PTPRD: variants seen among roughly 807,000 people sequenced by gnomAD.
The protein encoded by PTPRD is protein tyrosine phosphatase receptor type D, also known as receptor-type tyrosine-protein phosphatase delta.
A neutral mutation model predicts 214.5 loss-of-function variants in PTPRD; 34 were observed. The observed-to-expected ratio is 0.16, with a 90% CI of 0.12 to 0.21. The LOEUF is 0.21. Among genes scored for constraint, PTPRD ranks in the 10% least tolerant of loss-of-function variants. PTPRD has a pLI of 1.00. For missense variants in PTPRD, 2,545 were observed against 2,398.7 expected (o/e 1.06, Z -1.27); for synonymous variants, 1,128 against 845.7 (o/e 1.33, Z -5.79).
chr9:8,505,490 T>C (rs1245374461), intron 22 of PTPRD, among the ~76,000 whole-genome samples: 3 of 151,182 alleles, frequency 2.0e-5, no homozygotes, highest in East Asian at 1.9e-4. Context: ...GGTGTGGTGG[T>C]GGGCGCCTGT....
At chr9:10,067,217 G>C (rs1325792917) in intron 3 of PTPRD, among the ~76,000 whole-genome samples, 2 of 151,862 alleles carry the variant, frequency 1.3e-5, no homozygotes, top group Non-Finnish European at 2.9e-5. Flanking sequence ...TCCTTTGGAG[G>C]AGAGCAGTAC....
intron 21 of PTPRD, among the ~76,000 whole-genome samples, chr9:8,516,543 G>A (rs923032045): frequency 3.3e-5 from 5 of 152,118 alleles, no homozygotes; most frequent in African/African-American, 7.2e-5. Flanking sequence ...ACAAGTCAGT[G>A]ATTCACAGGT....
intron 7 of PTPRD, among the ~76,000 whole-genome samples, chr9:9,586,748 T>C (rs2092039954): frequency 6.6e-6 from 1 of 152,000 alleles, no homozygotes; most frequent in Non-Finnish European, 1.5e-5. Flanking sequence ...TGTACAGACC[T>C]AGGCCACTCT....
chr9:8,781,906 C>G (rs1478098203), intron 11 of PTPRD, among the ~76,000 whole-genome samples: 2 of 152,100 alleles, frequency 1.3e-5, no homozygotes, highest in African/African-American at 4.8e-5. Flanking sequence ...AGCTCATGGT[C>G]CATCCATAAG....
At chr9:10,137,669 T>A (rs1225288499) in intron 3 of PTPRD, among the ~76,000 whole-genome samples, 1 of 64,370 alleles carries the variant, frequency 1.6e-5, no homozygotes, top group Non-Finnish European at 2.7e-5. Context: ...ACCTGCACAA[T>A]GTGCACATGT....
intron 11 of PTPRD, among the ~76,000 whole-genome samples, chr9:8,865,849 G>A (rs1166455211): frequency 6.6e-6 from 1 of 152,120 alleles, no homozygotes; most frequent in African/African-American, 2.4e-5. Flanking sequence ...ACACCAAAAT[G>A]TCCCAGACAA....
chr9:9,876,600 T>A (rs988189774), intron 5 of PTPRD, among the ~76,000 whole-genome samples: 1 of 152,204 alleles, frequency 6.6e-6, no homozygotes, highest in Non-Finnish European at 1.5e-5. Flanking sequence ...TTCTTAATGC[T>A]CATTATATGA....
intron 7 of PTPRD, among the ~76,000 whole-genome samples, chr9:9,595,811 G>T (rs1314753723): frequency 6.6e-6 from 1 of 151,704 alleles, no homozygotes; most frequent in African/African-American, 2.4e-5. Context: ...TGGGAAGGGG[G>T]AGAAGGATAA....
chr9:8,373,832 GTATGTA>G lies in PTPRD; in HGVS notation c.4661+2098_4661+2103del, dbSNP rs1210384975. On this transcript the variant is annotated intron_variant, in intron 39 of 45. Coordinates refer to ENST00000381196, the MANE Select transcript of PTPRD (RefSeq NM_002839.4). ...TGTATGTATGTATGTATGTATGTAT[GTATGTA>G]TGTATGTATGTGTATGTGTCTGTCT... Among the ~76,000 whole-genome samples, 224 of 90,660 alleles carry G rather than the reference GTATGTA, an allele frequency of 2.5e-3. 4 individuals carry two copies. The East Asian group carries it at 0.075, about 30-fold the overall frequency. 59.5% of individuals were successfully genotyped at this position (90,660 alleles called of 152,430 possible).
intron 9 of PTPRD, among the ~76,000 whole-genome samples, chr9:9,246,949 G>C (rs555914592): frequency 6.6e-6 from 1 of 152,030 alleles, no homozygotes; most frequent in East Asian, 2.0e-4. Context: ...TCAGAACCAA[G>C]GTCTCTCTGA....
At position 9,822,910 on chromosome 9, in the gene PTPRD, G is replaced by A. The variant is rs563499946; in HGVS notation, c.-367-56059C>T. On this transcript the variant is annotated intron_variant, in intron 5 of 45. Transcript: ENST00000381196. ...GTCACTATGAAAAACAGAATGGTAC[G>A]TCCACAGAAAAGTTAAAAATAGTAC... Among the ~76,000 whole-genome samples, 51 of 152,186 alleles carry A rather than the reference G, an allele frequency of 3.4e-4. 1 individual carries two copies. In the South Asian group the frequency reaches 4.3e-3, roughly 13 times the overall value.
At chr9:9,869,756 A>C (rs926027620) in intron 5 of PTPRD, among the ~76,000 whole-genome samples, 1 of 151,942 alleles carries the variant, frequency 6.6e-6, no homozygotes, top group African/African-American at 2.4e-5. Flanking sequence ...AGTAACAAAA[A>C]CAGTTTTCAA....
chr9:9,639,235 G>T (rs988682870), intron 7 of PTPRD, among the ~76,000 whole-genome samples: 2 of 152,172 alleles, frequency 1.3e-5, no homozygotes, highest in African/African-American at 4.8e-5. Context: ...TAAGCTCCAT[G>T]AAAGTAGACT....
chr9:10,293,932 G>A (rs1470811886), intron 3 of PTPRD, among the ~76,000 whole-genome samples: 1 of 151,906 alleles, frequency 6.6e-6, no homozygotes, highest in East Asian at 1.9e-4. Context: ...TCTTACTGTG[G>A]TTGCTCAGTA....
chr9:8,576,144 C>CT (rs994357951), intron 14 of PTPRD, among the ~76,000 whole-genome samples: 2 of 151,984 alleles, frequency 1.3e-5, no homozygotes, highest in African/African-American at 2.4e-5. Flanking sequence ...TTATTGAAGG[C>CT]TTTTTTTTCC....
chr9:10,557,793 T>A (rs139895273), intron 2 of PTPRD, among the ~76,000 whole-genome samples: 2 of 152,138 alleles, frequency 1.3e-5, no homozygotes, highest in Non-Finnish European at 2.9e-5. Flanking sequence ...AGAGAAGGCA[T>A]ACAGTTTGCA....
intron 4 of PTPRD, among the ~76,000 whole-genome samples, chr9:9,938,900 G>A (rs574628878): frequency 1.3e-5 from 2 of 152,138 alleles, no homozygotes; most frequent in Non-Finnish European, 2.9e-5. Context: ...AGTAATTGAT[G>A]CGTTAATTTA....
chr9:9,898,944 A>G (rs1010130451), intron 5 of PTPRD, among the ~76,000 whole-genome samples: 5 of 152,118 alleles, frequency 3.3e-5, no homozygotes, highest in African/African-American at 1.2e-4. Flanking sequence ...AGGAAAAACA[A>G]AGCTGTCTTT....
chr9:10,479,156 C>T (rs1245062896), intron 2 of PTPRD, among the ~76,000 whole-genome samples: 1 of 152,024 alleles, frequency 6.6e-6, no homozygotes, highest in Non-Finnish European at 1.5e-5. Flanking sequence ...ATTCTATACT[C>T]GTATAATTCT....
Sources: gnomAD v4.1 joint callset for allele counts (sites outside exome capture counted in the v4.1 genomes callset) on GRCh38, gnomAD v4.1.1 for gene constraint, MANE v1.5 for transcripts, NCBI Gene and HGNC (gene_info 2026-07-23, HGNC 2026-07-21) for gene names.